ZBTB7C: variants seen among roughly 807,000 people sequenced by gnomAD.
ZBTB7C encodes zinc finger and BTB domain containing 7C, also known as zinc finger and BTB domain-containing protein 7C.
Under a neutral mutation model 25.7 loss-of-function variants are expected in ZBTB7C, and 8 were observed. The observed-to-expected ratio is 0.31, with a 90% confidence interval of 0.18 to 0.56. The LOEUF is 0.56. Ranked by LOEUF, ZBTB7C falls within the 20% of genes least tolerant of loss-of-function variation. ZBTB7C has a pLI of 0.91. For synonymous variants in ZBTB7C, 394 were observed against 369.0 expected (o/e 1.07, Z -0.78); for missense variants, 824 against 855.2 (o/e 0.96, Z 0.46).
chr18:48,121,831 G>A (rs2039639629), intron 3 of ZBTB7C, among the ~76,000 whole-genome samples: 1 of 152,184 alleles, frequency 6.6e-6, no homozygotes, highest in South Asian at 2.1e-4. Flanking sequence ...ACAGGGAGAG[G>A]GAAAAGGCTG....
upstream of ZBTB7C, among the ~76,000 whole-genome samples, chr18:48,412,161 C>A (rs933326775): frequency 3.9e-5 from 6 of 152,200 alleles, no homozygotes; most frequent in South Asian, 2.1e-4. Context: ...CCATGAACAA[C>A]ATTCATTAAG....
chr18:48,165,233 G>C (rs1427358150), intron 3 of ZBTB7C: 5 of 707,178 alleles, frequency 7.1e-6, no homozygotes, highest in Non-Finnish European at 8.8e-6. Context: ...GCCTCCTGTT[G>C]GCCCACAGCT....
At chr18:48,239,640 T>A (rs2043470920) in intron 2 of ZBTB7C, among the ~76,000 whole-genome samples, 1 of 152,144 alleles carries the variant, frequency 6.6e-6, no homozygotes, top group African/African-American at 2.4e-5. Context: ...AGTCTGGCTC[T>A]CAGGAAGCCC....
At chr18:48,107,832 T>C (rs1323441464) in intron 3 of ZBTB7C, among the ~76,000 whole-genome samples, 2 of 152,086 alleles carry the variant, frequency 1.3e-5, no homozygotes, top group African/African-American at 4.8e-5. Context: ...AGGTGCCCAG[T>C]GAAGTGAGGG....
At chr18:48,086,631 G>A (rs923772185) in intron 3 of ZBTB7C, among the ~76,000 whole-genome samples, 5 of 152,152 alleles carry the variant, frequency 3.3e-5, no homozygotes, top group African/African-American at 7.2e-5. Context: ...CCTGTTCAGG[G>A]AGAAATCATC....
chr18:48,400,908 G>A (rs746909957), intron 1 of ZBTB7C, among the ~76,000 whole-genome samples: 4 of 152,262 alleles, frequency 2.6e-5, no homozygotes, highest in Admixed American at 1.3e-4. Flanking sequence ...GACCTGGCCC[G>A]TGCCCCATCT....
At chr18:48,386,434 A>G (rs796416968) in intron 1 of ZBTB7C, among the ~76,000 whole-genome samples, 6 of 79,838 alleles carry the variant, frequency 7.5e-5, no homozygotes, top group African/African-American at 2.0e-4. Context: ...CTTACCCTAG[A>G]CAGTGAGTGG....
chr18:48,305,096 G>A (rs2144761862), intron 2 of ZBTB7C, among the ~76,000 whole-genome samples: 1 of 152,294 alleles, frequency 6.6e-6, no homozygotes, highest in Non-Finnish European at 1.5e-5. Flanking sequence ...CCTGCCACTG[G>A]AATTATAACG....
At chr18:48,367,366 AT>A (rs762569329) in intron 1 of ZBTB7C, among the ~76,000 whole-genome samples, 14,909 of 138,948 alleles carry the variant, frequency 0.11, 1,040 homozygotes, top group Non-Finnish European at 0.14. Flanking sequence ...ATATATATAT[AT>A]ATATAAAATA....
intron 3 of ZBTB7C, among the ~76,000 whole-genome samples, chr18:48,139,947 C>T (rs773582908): frequency 6.6e-5 from 10 of 152,146 alleles, no homozygotes; most frequent in Admixed American, 1.3e-4. Flanking sequence ...CCCTTCTCAG[C>T]CCCCACCTCT....
At chr18:48,253,916 G>A (rs929193541) in intron 2 of ZBTB7C, among the ~76,000 whole-genome samples, 25 of 152,138 alleles carry the variant, frequency 1.6e-4, no homozygotes, top group Admixed American at 1.0e-3. Flanking sequence ...CATCCCCATT[G>A]TTCCAATAGG....
intron 1 of ZBTB7C, among the ~76,000 whole-genome samples, chr18:48,347,237 C>G (rs1199952566): frequency 7.5e-6 from 1 of 132,882 alleles, no homozygotes; most frequent in Non-Finnish European, 1.7e-5. Flanking sequence ...TCCCAAGTAG[C>G]TGGGACTACA....
rs370706701 is a variant in ZBTB7C, at chr18:48,261,726, C to T, written c.-78-75731G>A. Among the ~76,000 whole-genome samples the T allele has an allele frequency of 5.3e-4, 80 of 151,804 alleles. 3 individuals are homozygous for T. The highest frequency in any genetic ancestry group is 2.8e-3 in the East Asian group (14 of 5,086). The stretch of plus-strand genomic sequence containing the variant: ...AAGCTCTCACTGTCGCTGCTTCTTA[C>T]GAAGCAAGTGCCAGGTGGCATCAGC... On this transcript the variant is annotated intron_variant, in intron 2 of 4. Coordinates refer to ENST00000590800, the MANE Select transcript of ZBTB7C (RefSeq NM_001318841.2).
intron 1 of ZBTB7C, among the ~76,000 whole-genome samples, chr18:48,400,916 T>C (rs187236666): frequency 3.9e-5 from 6 of 152,344 alleles, no homozygotes; most frequent in African/African-American, 9.6e-5. Context: ...CCGTGCCCCA[T>C]CTTTGTGTGG....
intron 1 of ZBTB7C, among the ~76,000 whole-genome samples, chr18:48,378,376 T>A (rs2047567904): frequency 1.3e-5 from 2 of 152,148 alleles, no homozygotes; most frequent in South Asian, 4.1e-4. Context: ...CCAGTCTTCA[T>A]CCACTAGGCA....
In ZBTB7C at chr18:48,216,222, T is replaced by A. The variant is rs956664928; in HGVS notation, c.-78-30227A>T. 7.2e-4 allele frequency among the ~76,000 whole-genome samples: 109 copies of A among 152,192 alleles called. 1 individual carries two copies. Among genetic ancestry groups the A allele is most frequent in the Admixed American group, 7.1e-3 (109 of 15,280 alleles). On this transcript the variant is annotated intron_variant, in intron 2 of 4. Transcript: ENST00000590800. ...CCACAGCAGGCAGCTGATTTCATGG[T>A]GGGCAGCTTTTCTTGTTTTCAAGTT...
chr18:48,073,476 C>G (rs2037633067), intron 3 of ZBTB7C, among the ~76,000 whole-genome samples: 1 of 152,008 alleles, frequency 6.6e-6, no homozygotes, highest in Non-Finnish European at 1.5e-5. Context: ...GTGTGGGGTG[C>G]AGGAAACAAT....
chr18:48,333,765 A>C (rs551716817), intron 2 of ZBTB7C, among the ~76,000 whole-genome samples: 12 of 152,322 alleles, frequency 7.9e-5, no homozygotes, highest in Middle Eastern at 3.4e-3. Flanking sequence ...GGGGCTCTCC[A>C]GTCTAGAGAG....
chr18:48,090,888 G>T (rs1451255502), intron 3 of ZBTB7C, among the ~76,000 whole-genome samples: 1 of 152,164 alleles, frequency 6.6e-6, no homozygotes, highest in Non-Finnish European at 1.5e-5. Flanking sequence ...AGCAGAGGTG[G>T]CCTGAGTGCT....
Sources: gnomAD v4.1 joint callset for allele counts (sites outside exome capture counted in the v4.1 genomes callset) on GRCh38, gnomAD v4.1.1 for gene constraint, MANE v1.5 for transcripts, NCBI Gene and HGNC (gene_info 2026-07-23, HGNC 2026-07-21) for gene names.